The following UBE3B variants were observed in gnomAD, a reference collection of about 807,000 sequenced individuals.
The protein encoded by UBE3B is ubiquitin-protein ligase E3B.
Under a neutral mutation model 132.3 loss-of-function variants are expected in UBE3B, and 80 were observed. That is an observed-to-expected ratio of 0.60 (90% CI 0.50 to 0.73). UBE3B has a LOEUF of 0.73. UBE3B is among the 30% of genes least tolerant of loss of function. The probability of loss-of-function intolerance (pLI) is 0.00; values close to 1 mark genes in which losing one functional copy is unlikely to be tolerated. For synonymous variants in UBE3B, 487 were observed against 520.4 expected (o/e 0.94, Z 0.87); for missense variants, 1,196 against 1,362.5 (o/e 0.88, Z 1.92).
At chr12:109,492,030 C>T (rs533020177) in intron 9 of UBE3B, 2 of 152,230 alleles carry the variant, frequency 1.3e-5, no homozygotes, top group Admixed American at 6.5e-5. Flanking sequence ...TGGAAAGAGC[C>T]GGATAAATAT....
In UBE3B at chr12:109,486,667, C is replaced by T. The variant is rs1004782630; in HGVS notation, c.447+92C>T. On this transcript the variant is annotated intron_variant, in intron 6 of 27. Transcript: ENST00000342494. ...AGACTTTAGTCTGTATTTTCAGAGT[C>T]ACTATCAACGAGAGTTGCTAGTTGA... 1.7e-4 allele frequency: 177 copies of T among 1,062,414 alleles called. 2 individuals carry two copies. The highest frequency in any genetic ancestry group is 2.3e-4 in the Non-Finnish European group (172 of 752,620). The allele number at this position is 1,062,414 out of a possible 1,614,324, so 65.8% of individuals were successfully genotyped here. A position where few individuals can be genotyped will look rare whatever the true frequency, so the allele number is the denominator to read the frequency against.
chr12:109,532,259 A>C (rs1078423), intron 26 of UBE3B, among the ~76,000 whole-genome samples: 12,234 of 152,276 alleles, frequency 0.08, 1,110 homozygotes, highest in African/African-American at 0.22. Flanking sequence ...CCGTAGAGTG[A>C]TTGGATGAGG....
At chr12:109,518,385 T>C (rs539740449) in intron 19 of UBE3B, among the ~76,000 whole-genome samples, 2 of 152,342 alleles carry the variant, frequency 1.3e-5, no homozygotes, top group East Asian at 3.9e-4. Context: ...AGATCTTCCA[T>C]GTTGTGAACT....
At position 109,495,707 on chromosome 12, in the gene UBE3B, CAA is replaced by C. The variant is rs538491904; in HGVS notation, c.714-2109_714-2108del. Among the ~76,000 whole-genome samples, 1,156 of 152,292 alleles carry C rather than the reference CAA, an allele frequency of 7.6e-3. 8 individuals carry two copies. Among genetic ancestry groups the C allele is most frequent in the Admixed American group, 0.013 (193 of 15,306 alleles). On this transcript the variant is annotated intron_variant, in intron 9 of 27. Transcript: ENST00000342494. Reference sequence around the variant, plus strand: ...ACTAAAAGTATTCCTTATGGGGAAACAAAGGGATGGGCCGAAATAAAGGGATG... The same window carrying C: ...ACTAAAAGTATTCCTTATGGGGAAACAGGGATGGGCCGAAATAAAGGGATG...
intron 11 of UBE3B, among the ~76,000 whole-genome samples, chr12:109,499,237 T>A (rs561285335): frequency 6.6e-6 from 1 of 152,342 alleles, no homozygotes; most frequent in Non-Finnish European, 1.5e-5. Context: ...CCATTTCTTA[T>A]GTTAACCCTT....
intron 9 of UBE3B, among the ~76,000 whole-genome samples, chr12:109,494,735 G>GT (rs1877957252): frequency 6.6e-6 from 1 of 152,146 alleles, no homozygotes; most frequent in Non-Finnish European, 1.5e-5. Context: ...AGTGTGTGTG[G>GT]TTTTTTGAGT....
intron 23 of UBE3B, among the ~76,000 whole-genome samples, chr12:109,525,118 C>T (rs981513269): frequency 6.6e-6 from 1 of 152,156 alleles, no homozygotes; most frequent in Non-Finnish European, 1.5e-5. Context: ...CGCGCTTGGG[C>T]ACCTCAGAAC....
intron 14 of UBE3B, among the ~76,000 whole-genome samples, chr12:109,504,257 C>T (rs973323247): frequency 2.6e-5 from 4 of 152,242 alleles, no homozygotes; most frequent in African/African-American, 9.6e-5. Context: ...ATGCCAGTAG[C>T]ACCTTCCCAA....
rs779284917 is a variant in UBE3B, at chr12:109,490,052, C to T, written c.630+48C>T. ...TGTGCAACTTCTCCACTCTCCAACA[C>T]CTGCACTTGGATTTTTACATTTGCA... On this transcript the variant is annotated intron_variant, in intron 8 of 27. Coordinates refer to ENST00000342494, the MANE Select transcript of UBE3B (RefSeq NM_130466.4). 2.2e-5 allele frequency: 34 copies of T among 1,559,676 alleles called. No individual in the cohort carries two copies. In the East Asian group the frequency reaches 6.9e-4, roughly 32 times the overall value.
intron 27 of UBE3B, 92 bp downstream of exon 27, chr12:109,533,650 A>G: frequency 8.0e-7 from 1 of 1,249,894 alleles, no homozygotes; most frequent in Non-Finnish European, 1.2e-6. Flanking sequence ...TCTAGTCCAT[A>G]TCTCAGCAAG....
chr12:109,497,959 A>G (rs761353560), intron 10 of UBE3B, 36 bp downstream of exon 10: 9 of 1,601,680 alleles, frequency 5.6e-6, no homozygotes, highest in Admixed American at 5.0e-5. Context: ...TGAAAACCCA[A>G]TTGTGTTTTT....
At position 109,534,498 on chromosome 12, in the gene UBE3B, C is replaced by T; in HGVS notation, c.3016-93C>T. 1.3e-6 allele frequency: 2 copies of T among 1,513,998 alleles called. No homozygotes were observed. The highest frequency in any genetic ancestry group is 1.8e-6 in the Non-Finnish European group (2 of 1,132,694). The allele number at this position is 1,513,998 out of a possible 1,614,324, so 93.8% of individuals were successfully genotyped here. On this transcript the variant is annotated intron_variant, in intron 27 of 27. Transcript: ENST00000342494. The surrounding 1 kb of genome is among the most constrained non-coding windows in gnomAD (Gnocchi z 5.2). ...ACTCTGCCCAGCATCCAGGGACTGGCCAGATCCCCTCCCTGGGCTCCCTGG... is the reference window on the plus strand; with the variant it reads ...ACTCTGCCCAGCATCCAGGGACTGGTCAGATCCCCTCCCTGGGCTCCCTGG...
At chr12:109,487,886 G>C (rs1331312657) in intron 6 of UBE3B, among the ~76,000 whole-genome samples, 1 of 152,144 alleles carries the variant, frequency 6.6e-6, no homozygotes, top group African/African-American at 2.4e-5. Flanking sequence ...CTCCAAGGTT[G>C]TCTCCAAGGT....
intron 21 of UBE3B, 65 bp from the exon 22 acceptor site, chr12:109,523,913 A>G: frequency 6.2e-7 from 1 of 1,600,702 alleles, no homozygotes; most frequent in East Asian, 2.2e-5. Flanking sequence ...ACCCTGAGCC[A>G]CCCCAATCCA....
intron 9 of UBE3B, among the ~76,000 whole-genome samples, chr12:109,496,590 C>T (rs1348147343): frequency 6.6e-6 from 1 of 152,218 alleles, no homozygotes; most frequent in Non-Finnish European, 1.5e-5. Flanking sequence ...AGTGGCTGTA[C>T]AGGGGTATCT....
chr12:109,541,808 C>G, the UBE3B span, among the ~76,000 whole-genome samples: 1 of 152,220 alleles, frequency 6.6e-6, no homozygotes, highest in African/African-American at 2.4e-5. Context: ...GCGTGCTTGG[C>G]TGTAACTGTA....
At chr12:109,512,062 C>T (rs1396896670) in intron 18 of UBE3B, among the ~76,000 whole-genome samples, 6 of 152,076 alleles carry the variant, frequency 3.9e-5, no homozygotes, top group South Asian at 2.1e-4. Context: ...GACATGGCGG[C>T]GAGTTCAGCA....
At chr12:109,545,179 G>T in the UBE3B span, among the ~76,000 whole-genome samples, 1 of 152,256 alleles carries the variant, frequency 6.6e-6, no homozygotes, top group African/African-American at 2.4e-5. Context: ...ACACTGTCCA[G>T]GGGAGGGAGC....
In UBE3B at chr12:109,521,177, C is replaced by G; in HGVS notation, c.2106C>G (p.Ser702=). The G allele has an allele frequency of 6.2e-7, 1 of 1,614,176 alleles. No individual in the cohort carries two copies. The highest frequency in any genetic ancestry group is 1.3e-5 in the African/African-American group (1 of 75,026). ...GCTACGAGCAGCTTAGGCAGCTCTC[C>G]CAGCACGCCATGAAGGGGGTCATCC... is the stretch of plus-strand genomic sequence containing the variant. The part of the protein sequence containing the change: ...EDGYEQLRQL[S]QHAMKGVIRV... Residue 702 remains serine (S), a synonymous_variant, in exon 20 of 28, where the codon TCC becomes TCG. Transcript: ENST00000342494. This position sits in a 1 kb window ranked among gnomAD's most constrained non-coding sequence, Gnocchi z 4.2.
Sources: allele counts gnomAD v4.1 joint callset (sites outside exome capture counted in the v4.1 genomes callset), GRCh38; gene constraint gnomAD v4.1.1; non-coding constraint Gnocchi (gnomAD v3.1); transcripts MANE v1.5; gene names NCBI Gene and HGNC (gene_info 2026-07-23, HGNC 2026-07-21).